Variants in ZMAT1 observed in about 807,000 individuals in gnomAD.
The protein encoded by ZMAT1 is zinc finger matrin-type protein 1.
Under a neutral mutation model 18.5 loss-of-function variants are expected in ZMAT1, and 11 were observed. The ratio of observed to expected loss-of-function variants is 0.59; its 90% CI spans 0.37 to 0.98. The LOEUF (loss-of-function observed/expected upper bound fraction) is 0.98, where lower values mean the gene tolerates loss of function less well. ZMAT1 is among the 50% of genes least tolerant of loss of function. The pLI is 0.01. For synonymous variants in ZMAT1, 211 were observed against 176.4 expected (o/e 1.20, Z -1.55); for missense variants, 525 against 496.2 (o/e 1.06, Z -0.55).
rs750115523 is a variant in ZMAT1 at position 101,928,045 on chromosome X, T to G, written c.292+3672A>C. On this transcript the variant is annotated intron_variant, in intron 1 of 5. Coordinates refer to ENST00000651725, the MANE Select transcript of ZMAT1 (RefSeq NM_001394560.1). ...ACTATTCTTCCGTCACACCATTAGA[T>G]TTACAGTATAATTTGCTTCACTGTG... 3.6e-5 allele frequency among the ~76,000 whole-genome samples: 4 copies of G among 112,231 alleles called. No individual in the cohort carries two copies. The South Asian group carries it at 1.5e-3, about 42-fold the overall frequency.
At chrX:101,931,595 T>C (rs1930492268) in intron 1 of ZMAT1, 122 bp downstream of exon 1, 1 of 636,541 alleles carries the variant, frequency 1.6e-6, no homozygotes, top group Non-Finnish European at 1.8e-6. Context: ...GCTTGGCCTT[T>C]ACTGCGCCAC....
chrX:101,918,070 T>C (rs1929455494), intron 1 of ZMAT1, among the ~76,000 whole-genome samples: 1 of 111,524 alleles, frequency 9.0e-6, no homozygotes, highest in African/African-American at 3.3e-5. Flanking sequence ...GAGGTAGAGA[T>C]GGTTAATGGG....
chrX:101,896,197 G>A (rs890353839), intron 4 of ZMAT1, among the ~76,000 whole-genome samples: 8 of 111,536 alleles, frequency 7.2e-5, no homozygotes, highest in Non-Finnish European at 1.5e-4. Flanking sequence ...AAATTAGTGA[G>A]GATAAAACAT....
At chrX:101,924,793 A>T (rs960482851) in intron 1 of ZMAT1, among the ~76,000 whole-genome samples, 1 of 112,114 alleles carries the variant, frequency 8.9e-6, no homozygotes, top group African/African-American at 3.2e-5. Flanking sequence ...ATTAAGCATG[A>T]CTTTTAAATA....
intron 1 of ZMAT1, among the ~76,000 whole-genome samples, chrX:101,922,620 T>C (rs1929800545): frequency 9.0e-6 from 1 of 111,395 alleles, no homozygotes; most frequent in Non-Finnish European, 1.9e-5. Flanking sequence ...CTTAAACTTC[T>C]GACCTCAGGT....
intron 1 of ZMAT1, chrX:101,911,615 C>G: frequency 8.4e-7 from 1 of 1,185,301 alleles, no homozygotes; most frequent in South Asian, 1.8e-5. Context: ...CACAGCTTGT[C>G]CCTCACCAAA....
intron 4 of ZMAT1, chrX:101,895,911 A>C (rs966865712): frequency 6.0e-6 from 4 of 669,748 alleles, no homozygotes; most frequent in Non-Finnish European, 7.1e-6. Context: ...GAAGTGATAA[A>C]CACATTTTCA....
At chrX:101,886,390 C>A (rs1431818829) in intron 5 of ZMAT1, among the ~76,000 whole-genome samples, 2 of 111,548 alleles carry the variant, frequency 1.8e-5, no homozygotes, top group Non-Finnish European at 3.8e-5. Context: ...CCAAAGAACA[C>A]TGCTCTCTAG....
intron 2 of ZMAT1, among the ~76,000 whole-genome samples, chrX:101,903,551 A>G (rs774293183): frequency 1.8e-5 from 2 of 111,831 alleles, no homozygotes; most frequent in Non-Finnish European, 3.8e-5. Context: ...GGTAACCTAG[A>G]TACCAGATAT....
In ZMAT1 at chrX:101,884,039, T is replaced by C. The variant is rs1422924317; in HGVS notation, c.1559A>G (p.Glu520Gly). 3 of 1,210,489 alleles carry C rather than the reference T, an allele frequency of 2.5e-6. No homozygotes were observed. The highest frequency in any genetic ancestry group is 3.4e-6 in the Non-Finnish European group (3 of 895,270). ...TGGTAAGCAATGAGGTAACTGGTTT[T>C]CCACTACTTGTGAAATACTATATGG... The part of the protein sequence containing the change: ...SGPYSISQVV[E>G]NQLPHCLPAH... The change falls in exon 6 of 6, where the codon GAA becomes GGA. Residue 520 changes from glutamate (E) to glycine (G), a missense_variant. Physicochemically the swap from Glu to Gly is moderately conservative, Grantham distance 98. Transcript: ENST00000651725.
intron 1 of ZMAT1, among the ~76,000 whole-genome samples, chrX:101,930,043 A>G (rs1212356181): frequency 8.9e-6 from 1 of 112,174 alleles, no homozygotes; most frequent in Non-Finnish European, 1.9e-5. Flanking sequence ...TACAGCAATA[A>G]CATAAGTAAG....
At chrX:101,929,435 A>AGAT (rs1278101717) in intron 1 of ZMAT1, among the ~76,000 whole-genome samples, 5 of 71,275 alleles carry the variant, frequency 7.0e-5, no homozygotes, top group African/African-American at 3.8e-4. Flanking sequence ...ATATATATAT[A>AGAT]TATATATATA....
At chrX:101,902,276 T>A (rs1187756759) in intron 2 of ZMAT1, among the ~76,000 whole-genome samples, 2 of 112,050 alleles carry the variant, frequency 1.8e-5, no homozygotes, top group Non-Finnish European at 3.8e-5. Context: ...ACTTTCCCAT[T>A]TTTCTATTTG....
chrX:101,908,827 G>C (rs1402010723), intron 1 of ZMAT1, among the ~76,000 whole-genome samples: 1 of 111,456 alleles, frequency 9.0e-6, no homozygotes. Context: ...AGGCAGTCTA[G>C]GCAATAGGTA....
intron 1 of ZMAT1, among the ~76,000 whole-genome samples, chrX:101,917,195 T>C (rs1421791270): frequency 1.8e-5 from 2 of 111,554 alleles, no homozygotes; most frequent in East Asian, 5.6e-4. Context: ...TGGGATCATA[T>C]CAAGTTAAAA....
chrX:101,914,008 G>A (rs2147652875), intron 1 of ZMAT1, among the ~76,000 whole-genome samples: 1 of 111,152 alleles, frequency 9.0e-6, no homozygotes, highest in East Asian at 2.8e-4. Context: ...GAACCACAAT[G>A]GAATAAAACT....
chrX:101,917,580 C>T (rs1180575793), intron 1 of ZMAT1, among the ~76,000 whole-genome samples: 1 of 112,473 alleles, frequency 8.9e-6, no homozygotes, highest in Admixed American at 9.4e-5. Context: ...TCCTCATACA[C>T]TGTTGGTGGG....
intron 1 of ZMAT1, among the ~76,000 whole-genome samples, chrX:101,929,711 A>G (rs2147696710): frequency 9.0e-6 from 1 of 110,551 alleles, no homozygotes; most frequent in Admixed American, 9.7e-5. Flanking sequence ...CTCAACATAG[A>G]TCTCATTATT....
At chrX:101,907,196 C>A (rs140081034) in intron 1 of ZMAT1, among the ~76,000 whole-genome samples, 3 of 112,097 alleles carry the variant, frequency 2.7e-5, no homozygotes, top group African/African-American at 9.7e-5. Flanking sequence ...TACCCCAGCA[C>A]CAGGTGAGCC....
Sources: allele counts gnomAD v4.1 joint callset (sites outside exome capture counted in the v4.1 genomes callset), GRCh38; gene constraint gnomAD v4.1.1; transcripts MANE v1.5; gene names NCBI Gene and HGNC (gene_info 2026-07-23, HGNC 2026-07-21).